Variants in MTMR9 observed in about 807,000 individuals in gnomAD.
The protein encoded by MTMR9 is myotubularin-related protein 9.
In MTMR9, 39 loss-of-function variants were observed where a neutral mutation model predicts 69.5. The observed-to-expected ratio is 0.56, with a 90% CI of 0.43 to 0.73. MTMR9 has a LOEUF of 0.73. Among genes scored for constraint, MTMR9 ranks in the 30% least tolerant of loss-of-function variants. The pLI, the probability that MTMR9 is intolerant of heterozygous loss-of-function variation, is 0.00. For missense variants in MTMR9, 900 were observed against 671.2 expected, an observed-to-expected ratio of 1.34 and a Z score of -3.77; for synonymous variants, 354 against 240.8, an observed-to-expected ratio of 1.47 and a Z score of -4.35.
In MTMR9 at chr8:11,323,271, A is replaced by T. The variant is rs1348810015; in HGVS notation, c.*483A>T. On this transcript the variant is annotated 3_prime_UTR_variant, in exon 10 of 10. Coordinates refer to ENST00000221086, the MANE Select transcript of MTMR9 (RefSeq NM_015458.4). ...CCAAGGATTTTGTGTTTAACAATCCATTTCCAGTGTCTTCGCCACATAAAA... is the reference window on the plus strand; with the variant it reads ...CCAAGGATTTTGTGTTTAACAATCCTTTTCCAGTGTCTTCGCCACATAAAA... 4.6e-5 allele frequency: 7 copies of T among 152,284 alleles called. No individual in the cohort carries two copies. Among genetic ancestry groups the T allele is most frequent in the African/African-American group, 1.4e-4 (6 of 41,468 alleles). The allele number at this position is 152,284 out of a possible 1,614,324, so 9.4% of individuals were successfully genotyped here. A position where few individuals can be genotyped will look rare whatever the true frequency, so the allele number is the denominator to read the frequency against.
chr8:11,286,754 G>C (rs1358380442), intron 1 of MTMR9, among the ~76,000 whole-genome samples: 2 of 150,106 alleles, frequency 1.3e-5, no homozygotes, highest in Non-Finnish European at 2.9e-5. Flanking sequence ...TCTGTGTCTC[G>C]GCCCTATCCT....
chr8:11,309,996 C>T (rs1741118850), intron 6 of MTMR9, among the ~76,000 whole-genome samples: 1 of 149,958 alleles, frequency 6.7e-6, no homozygotes, highest in South Asian at 2.3e-4. Flanking sequence ...TTTTCTTAAA[C>T]TGTGAAATAG....
At chr8:11,307,517 C>T (rs1466667559) in intron 5 of MTMR9, among the ~76,000 whole-genome samples, 1 of 152,162 alleles carries the variant, frequency 6.6e-6, no homozygotes, top group Admixed American at 6.5e-5. Context: ...ATGCAGATAC[C>T]TCTTTGAGAT....
At chr8:11,329,195 A>G (rs1801087289), downstream of MTMR9, among the ~76,000 whole-genome samples, 1 of 152,212 alleles carries the variant, frequency 6.6e-6, no homozygotes, top group South Asian at 2.1e-4. Context: ...GGAGTTCGAG[A>G]CCAGCATGGG....
intron 2 of MTMR9, chr8:11,297,844 C>T (rs1799613927): frequency 3.5e-5 from 16 of 456,000 alleles, no homozygotes; most frequent in Admixed American, 2.8e-4. Flanking sequence ...GTTAAATGTT[C>T]TTACAGCGTA....
intron 3 of MTMR9, among the ~76,000 whole-genome samples, chr8:11,300,986 A>G (rs1479787137): frequency 6.6e-6 from 1 of 152,160 alleles, no homozygotes; most frequent in East Asian, 1.9e-4. Flanking sequence ...CTGTTGTTGC[A>G]TGAAAAAAGC....
chr8:11,320,963 T>A (rs1311013105), intron 9 of MTMR9: 3 of 154,358 alleles, frequency 1.9e-5, no homozygotes, highest in Admixed American at 1.9e-4. Context: ...TATTCTAGTA[T>A]GTTATACTCT....
chr8:11,334,640 T>G, the MTMR9 span, among the ~76,000 whole-genome samples: 1 of 151,598 alleles, frequency 6.6e-6, no homozygotes, highest in Non-Finnish European at 1.5e-5. Flanking sequence ...AGAAAAGAAG[T>G]AACAAAACAG....
rs749025752 is a variant in MTMR9 at position 11,309,583 on chromosome 8, C to T, written c.866C>T (p.Thr289Ile). 4 of 1,613,758 alleles carry T rather than the reference C, an allele frequency of 2.5e-6. No individual in the cohort carries two copies. In the South Asian group the frequency reaches 3.3e-5, roughly 13 times the overall value. The change falls in exon 6 of 10, where the codon ACA becomes ATA. Residue 289 changes from threonine (T) to isoleucine (I), a missense_variant. Coordinates refer to ENST00000221086, the MANE Select transcript of MTMR9 (RefSeq NM_015458.4). The stretch of plus-strand genomic sequence containing the variant: ...CTTGTGGAAGCTTGTAATGACCAAA[C>T]ACATAACATGGACCGATGGCTCAGT... ...IKLVEACNDQ[T>I]HNMDRWLSKL...
intron 1 of MTMR9, among the ~76,000 whole-genome samples, chr8:11,287,772 A>T (rs62488593): frequency 3.9e-5 from 5 of 128,228 alleles, no homozygotes; most frequent in Non-Finnish European, 7.8e-5. Flanking sequence ...TATTTATTAT[A>T]TATTTATTAT....
At position 11,302,637 on chromosome 8, in the gene MTMR9, C is replaced by T. The variant is rs763492651; in HGVS notation, c.418-2204C>T. On this transcript the variant is annotated intron_variant, in intron 3 of 9. Transcript: ENST00000221086. Reference sequence around the variant, plus strand: ...AACCAAAAACATAAAAAAAGCAAATCTTGTATCATTCTCTCTAAGTTCAAG... The same window carrying T: ...AACCAAAAACATAAAAAAAGCAAATTTTGTATCATTCTCTCTAAGTTCAAG... Among the ~76,000 whole-genome samples the T allele has an allele frequency of 2.0e-5, 3 of 152,114 alleles. No homozygotes were observed. The East Asian group carries it at 5.8e-4, about 29-fold the overall frequency.
At chr8:11,337,771 A>G in the MTMR9 span, among the ~76,000 whole-genome samples, 1 of 152,192 alleles carries the variant, frequency 6.6e-6, no homozygotes, top group Admixed American at 6.5e-5. Context: ...GGTACCAGTG[A>G]CTGAATTCAT....
chr8:11,301,127 A>G (rs1004164539), intron 3 of MTMR9, among the ~76,000 whole-genome samples: 2 of 152,226 alleles, frequency 1.3e-5, no homozygotes, highest in African/African-American at 2.4e-5. Flanking sequence ...AGTCAGTGCA[A>G]TCCCTGTTAA....
At chr8:11,318,382 C>A (rs1267076873) in intron 8 of MTMR9, 1 of 152,168 alleles carries the variant, frequency 6.6e-6, no homozygotes, top group Non-Finnish European at 1.5e-5. Context: ...GACATGCTAT[C>A]CCAGCAGTTA....
chr8:11,319,438 T>G, intron 8 of MTMR9: 4 of 465,932 alleles, frequency 8.6e-6, no homozygotes, highest in Non-Finnish European at 7.7e-6. Context: ...TGTGACCAGA[T>G]TCTGTTTTTA....
intron 9 of MTMR9, chr8:11,321,589 C>A (rs1245185148): frequency 2.3e-6 from 1 of 444,052 alleles, no homozygotes; most frequent in South Asian, 1.6e-5. Flanking sequence ...TTTCATGCTC[C>A]TCAACCTAGA....
At chr8:11,331,422 T>C (rs748473991), downstream of MTMR9, 1 of 1,613,850 alleles carries the variant, frequency 6.2e-7, no homozygotes. Flanking sequence ...CTGGGCCTGC[T>C]TCTGTGCCCT....
At chr8:11,293,788 G>T in intron 1 of MTMR9, among the ~76,000 whole-genome samples, 1 of 149,928 alleles carries the variant, frequency 6.7e-6, no homozygotes. Flanking sequence ...CTATCCAGTT[G>T]TGCCAGCACC....
chr8:11,287,703 T>TTA (rs200639913), intron 1 of MTMR9, among the ~76,000 whole-genome samples: 4 of 137,764 alleles, frequency 2.9e-5, no homozygotes, highest in South Asian at 2.1e-4. Context: ...TTATTATATA[T>TTA]TATATATATT....
Sources: allele counts gnomAD v4.1 joint callset (sites outside exome capture counted in the v4.1 genomes callset), GRCh38; gene constraint gnomAD v4.1.1; transcripts MANE v1.5; gene names NCBI Gene and HGNC (gene_info 2026-07-23, HGNC 2026-07-21).